SUN1: variants seen among roughly 807,000 people sequenced by gnomAD.
SUN1 encodes Sad1 and UNC84 domain containing 1, also known as SUN domain-containing protein 1.
A neutral mutation model predicts 103.2 loss-of-function variants in SUN1; 61 were observed. That is an observed-to-expected ratio of 0.59 (90% CI 0.48 to 0.73). SUN1 has a LOEUF of 0.73. Ranked by LOEUF, SUN1 falls within the 30% of genes least tolerant of loss-of-function variation. The probability of loss-of-function intolerance (pLI) is 0.00; values close to 1 mark genes in which losing one functional copy is unlikely to be tolerated. For missense variants in SUN1, 1,052 were observed against 1,034.6 expected (o/e 1.02, Z -0.23); for synonymous variants, 490 against 425.7 (o/e 1.15, Z -1.86).
chr7:828,404 T>G (rs1214144703), upstream of SUN1, among the ~76,000 whole-genome samples: 3 of 152,016 alleles, frequency 2.0e-5, no homozygotes, highest in Non-Finnish European at 4.4e-5. Flanking sequence ...CCTGAGTAGC[T>G]GGGATTACAG....
rs1227391275 is a variant in SUN1 at position 839,005 on chromosome 7, C to G, written c.266+19C>G. On this transcript the variant is annotated intron_variant, in intron 2 of 18. Coordinates refer to ENST00000401592, the MANE Select transcript of SUN1 (RefSeq NM_001130965.3). ...CGGCCAGGTGAGCACCGCTGCACTTCCTCTCCATCTGATCTCTAACACCAG... is the reference window on the plus strand; with the variant it reads ...CGGCCAGGTGAGCACCGCTGCACTTGCTCTCCATCTGATCTCTAACACCAG... 6.6e-7 allele frequency: 1 copy of G among 1,522,038 alleles called. No homozygotes were observed. The highest frequency in any genetic ancestry group is 2.3e-5 in the East Asian group (1 of 42,776). 94.3% of individuals were successfully genotyped at this position (1,522,038 alleles called of 1,614,324 possible).
At chr7:855,725 C>T (rs563670160) in intron 11 of SUN1, among the ~76,000 whole-genome samples, 2 of 152,302 alleles carry the variant, frequency 1.3e-5, no homozygotes, top group Admixed American at 6.5e-5. Flanking sequence ...AGAATGTACC[C>T]GCCTGCGAGG....
intron 1 of SUN1, among the ~76,000 whole-genome samples, chr7:818,901 T>C (rs1783409982): frequency 6.6e-6 from 1 of 151,058 alleles, no homozygotes; most frequent in African/African-American, 2.4e-5. Flanking sequence ...TTTCGCTCTG[T>C]CGCCCAGGCT....
chr7:831,966 G>A (rs912392924), upstream of SUN1: 32 of 861,382 alleles, frequency 3.7e-5, no homozygotes, highest in Non-Finnish European at 4.5e-5. Flanking sequence ...CTGTTTTTTG[G>A]TGAGGAAAAA....
chr7:869,545 C>T (rs757977140), intron 17 of SUN1, 29 bp downstream of exon 17: 1 of 1,602,950 alleles, frequency 6.2e-7, no homozygotes, highest in East Asian at 2.2e-5. Flanking sequence ...CCCTCCTCCT[C>T]CCACACCTTC....
Position 857,880 on chromosome 7 carries a change from G to A in SUN1, c.1447G>A (p.Asp483Asn), listed in dbSNP as rs1014185065. 3.7e-6 allele frequency: 6 copies of A among 1,600,914 alleles called. No homozygotes were observed. Among genetic ancestry groups the A allele is most frequent in the Admixed American group, 1.7e-5 (1 of 59,440 alleles). Residue 483 changes from aspartate (D) to asparagine (N), a missense_variant, in exon 13 of 19, where the codon GAT becomes AAT. Asp to Asn is a conservative substitution (Grantham distance 23). This residue lies in a region of SUN1 where 846 missense variants were observed against 774.5 expected (regional missense o/e 1.09). Coordinates refer to ENST00000401592, the MANE Select transcript of SUN1 (RefSeq NM_001130965.3). The stretch of plus-strand genomic sequence containing the variant: ...AGTCGAGCACCTCCAGCTGGAGCTG[G>A]ATCAGCTAAAGTCAGAGCTGTCCAG... ...PTVEHLQLEL[D>N]QLKSELSSWR...
At chr7:867,188 T>G (rs529255239) in intron 16 of SUN1, among the ~76,000 whole-genome samples, 1 of 152,342 alleles carries the variant, frequency 6.6e-6, no homozygotes, top group African/African-American at 2.4e-5. Context: ...TCTGCAGCCA[T>G]CAGCACCGCA....
intron 1 of SUN1, chr7:817,635 G>T: frequency 9.3e-7 from 1 of 1,075,524 alleles, no homozygotes; most frequent in Non-Finnish European, 1.3e-6. Flanking sequence ...TGAAGTGCTT[G>T]CGGCTCTAAT....
At chr7:831,126 G>A (rs1797537389), upstream of SUN1, 5 of 563,354 alleles carry the variant, frequency 8.9e-6, no homozygotes, top group South Asian at 3.8e-4. Context: ...CGTGGATTAA[G>A]TGATCACAGT....
chr7:840,664 CGGA>C (rs1200570954), intron 2 of SUN1, among the ~76,000 whole-genome samples: 34 of 112,908 alleles, frequency 3.0e-4, no homozygotes, highest in Non-Finnish European at 3.9e-4. Flanking sequence ...TTTTTTGAAA[CGGA>C]GTCTCACTCT....
At chr7:841,397 A>G (rs758603233) in intron 2 of SUN1, among the ~76,000 whole-genome samples, 31 of 151,604 alleles carry the variant, frequency 2.0e-4, no homozygotes, top group Non-Finnish European at 2.7e-4. Context: ...GCGCCCGCCA[A>G]CACGCCCGGC....
At chr7:837,330 C>T (rs1048043699) in intron 1 of SUN1, among the ~76,000 whole-genome samples, 6 of 152,310 alleles carry the variant, frequency 3.9e-5, no homozygotes, top group African/African-American at 7.2e-5. Flanking sequence ...TGGACTGTGC[C>T]GCTTTTGGTC....
intron 5 of SUN1, chr7:849,499 C>A: frequency 7.4e-7 from 1 of 1,356,448 alleles, no homozygotes; most frequent in South Asian, 1.1e-5. Flanking sequence ...GTTCCCTAAG[C>A]CTCTTTTGCG....
intron 12 of SUN1, among the ~76,000 whole-genome samples, chr7:856,943 G>A (rs894690575): frequency 6.6e-6 from 1 of 152,176 alleles, no homozygotes; most frequent in Non-Finnish European, 1.5e-5. Context: ...CGGCCCTGCC[G>A]CCCTTGGAAT....
At position 838,823 on chromosome 7, in the gene SUN1, G is replaced by A; in HGVS notation, c.103G>A (p.Asp35Asn). The A allele has an allele frequency of 6.4e-7, 1 of 1,559,686 alleles. No homozygotes were observed. Among genetic ancestry groups the A allele is most frequent in the Non-Finnish European group, 8.7e-7 (1 of 1,150,620 alleles). The change falls in exon 2 of 19, where the codon GAT (aspartate) becomes AAT (asparagine). Residue 35 changes from aspartate to asparagine, a missense_variant. Asp to Asn is a conservative substitution (Grantham distance 23). This residue lies in a region of SUN1 where 846 missense variants were observed against 774.5 expected (regional missense o/e 1.09). Transcript: ENST00000401592. ...TTCCAGCTATTCTTCAGATGCTCTGGATTTTGAGACGGAGCACAAATTGGA... is the reference window on the plus strand; with the variant it reads ...TTCCAGCTATTCTTCAGATGCTCTGAATTTTGAGACGGAGCACAAATTGGA... ...LSSSYSSDAL[D>N]FETEHKLDPV...
At position 857,945 on chromosome 7, in the gene SUN1, C is replaced by T. The variant is rs748209663; in HGVS notation, c.1512C>T (p.Ala504=). 34 of 1,571,610 alleles carry T rather than the reference C, an allele frequency of 2.2e-5. No homozygotes were observed. Among genetic ancestry groups the T allele is most frequent in the South Asian group, 5.7e-5 (5 of 87,224 alleles). The change falls in exon 13 of 19, where the codon GCC becomes GCT. Residue 504 remains alanine, a synonymous_variant. Transcript: ENST00000401592. ...AGACCGGCTGTGAGACAGTGGATGC[C>T]GTACAAGAAAGAGTGAGCTTTCTGC... ...HVKTGCETVD[A]VQERVDVQVR...
chr7:844,699 C>CAT (rs1813509341), intron 5 of SUN1, among the ~76,000 whole-genome samples: 1 of 152,236 alleles, frequency 6.6e-6, no homozygotes, highest in African/African-American at 2.4e-5. Context: ...TGGGTTCCTC[C>CAT]ATGTGGACCA....
chr7:833,796 A>G (rs1161739324), intron 1 of SUN1, among the ~76,000 whole-genome samples: 2 of 152,232 alleles, frequency 1.3e-5, no homozygotes, highest in Non-Finnish European at 2.9e-5. Flanking sequence ...AGAGTCCTGT[A>G]GTGGTGAGAA....
intron 5 of SUN1, 37 bp downstream of exon 5, chr7:843,557 G>C: frequency 6.2e-7 from 1 of 1,613,696 alleles, no homozygotes; most frequent in Non-Finnish European, 8.5e-7. Flanking sequence ...AAAAAGGTGT[G>C]TTTTCCAAAT....
Sources: gnomAD v4.1 joint callset for allele counts (sites outside exome capture counted in the v4.1 genomes callset) on GRCh38, gnomAD v4.1.1 for gene constraint, gnomAD v4.1.1 regional missense constraint, MANE v1.5 for transcripts, NCBI Gene and HGNC (gene_info 2026-07-23, HGNC 2026-07-21) for gene names.